PRMT8: variants seen among roughly 807,000 people sequenced by gnomAD.
PRMT8 encodes protein arginine N-methyltransferase 8.
PRMT8 carries 7 observed loss-of-function variants against 47.1 expected under a neutral mutation model. The ratio of observed to expected loss-of-function variants is 0.15; its 90% CI spans 0.08 to 0.28. The LOEUF (loss-of-function observed/expected upper bound fraction) is 0.28, where lower values mean the gene tolerates loss of function less well. PRMT8 is among the 10% of genes least tolerant of loss of function. The pLI, the probability that PRMT8 is intolerant of heterozygous loss-of-function variation, is 1.00. For missense variants in PRMT8, 237 were observed against 505.4 expected (o/e 0.47, Z 5.09); for synonymous variants, 188 against 186.5 (o/e 1.01, Z -0.07).
Position 3,550,301 on chromosome 12 carries a change from T to C in PRMT8, c.417+210T>C, listed in dbSNP as rs1330147218. ...ATGGCTCCTGGATCCTTACAACCAC[T>C]GACATTTGCGGAGGAACTGTGGCTT... On this transcript the variant is annotated intron_variant, in intron 3 of 9. Coordinates refer to ENST00000382622, the MANE Select transcript of PRMT8 (RefSeq NM_019854.5). This position sits in a 1 kb window ranked among gnomAD's most constrained non-coding sequence, Gnocchi z 5.1. The C allele has an allele frequency of 3.6e-6, 2 of 552,934 alleles. No homozygotes were observed. Among genetic ancestry groups the C allele is most frequent in the Non-Finnish European group, 6.3e-6 (2 of 315,790 alleles). 34.3% of individuals were successfully genotyped at this position (552,934 alleles called of 1,614,324 possible).
In PRMT8 at chr12:3,399,110, C is replaced by T. The variant is rs115141462; in HGVS notation, c.48+17668C>T. Reference sequence around the variant, plus strand: ...TTAGTCTAAGTTAACTGAAAGGGCTCGTTGGCTCTCCCCACCATACTTCTG... The same window carrying T: ...TTAGTCTAAGTTAACTGAAAGGGCTTGTTGGCTCTCCCCACCATACTTCTG... On this transcript the variant is annotated intron_variant, in intron 1 of 9. Transcript: ENST00000452611. Among the ~76,000 whole-genome samples, 753 of 152,292 alleles carry T rather than the reference C, an allele frequency of 4.9e-3. 8 individuals are homozygous for T. The highest frequency in any genetic ancestry group is 0.017 in the African/African-American group (721 of 41,552).
At chr12:3,541,413 C>G (rs928888650) in intron 2 of PRMT8, among the ~76,000 whole-genome samples, 2 of 152,144 alleles carry the variant, frequency 1.3e-5, no homozygotes, top group Non-Finnish European at 2.9e-5. Context: ...TAATGGTGCC[C>G]CTACTGTATA....
intron 1 of PRMT8, among the ~76,000 whole-genome samples, chr12:3,416,286 C>T (rs1396042291): frequency 1.3e-5 from 2 of 152,194 alleles, no homozygotes; most frequent in Admixed American, 6.5e-5. Flanking sequence ...CACTCCCTCT[C>T]TCCTACCTGA....
chr12:3,416,033 T>C (rs4765733), intron 1 of PRMT8, among the ~76,000 whole-genome samples: 150,005 of 152,306 alleles, frequency 0.98, 73,910 homozygotes, highest in East Asian at 1. Context: ...TGGTGGGAGG[T>C]CCTCCATTTG....
intron 8 of PRMT8, among the ~76,000 whole-genome samples, chr12:3,591,028 G>A (rs977823347): frequency 1.3e-5 from 2 of 152,102 alleles, no homozygotes; most frequent in Admixed American, 6.5e-5. Flanking sequence ...CAGGTTTTGC[G>A]GGTCAGGCAA....
chr12:3,385,166 T>C (rs1864126971), intron 1 of PRMT8, among the ~76,000 whole-genome samples: 1 of 152,234 alleles, frequency 6.6e-6, no homozygotes, highest in Admixed American at 6.5e-5. Flanking sequence ...AGTGTGCTAA[T>C]TGATTTATAT....
intron 1 of PRMT8, among the ~76,000 whole-genome samples, chr12:3,445,779 C>T (rs535297961): frequency 2.6e-5 from 4 of 152,254 alleles, no homozygotes; most frequent in South Asian, 2.1e-4. Flanking sequence ...ATGCATGTGT[C>T]GTATAATGTG....
At chr12:3,475,993 A>G (rs7978974) in intron 1 of PRMT8, among the ~76,000 whole-genome samples, 118,227 of 151,868 alleles carry the variant, frequency 0.78, 46,259 homozygotes, top group Middle Eastern at 0.86. Context: ...AAGAAATAGC[A>G]TTGGGCTGGA....
chr12:3,471,424 A>C (rs79173511), intron 1 of PRMT8, among the ~76,000 whole-genome samples: 12,489 of 151,978 alleles, frequency 0.082, 549 homozygotes, highest in Non-Finnish European at 0.1. Context: ...TGGAAATCAA[A>C]AGGCCACCAA....
At chr12:3,389,879 G>C (rs895497163) in intron 1 of PRMT8, among the ~76,000 whole-genome samples, 4 of 152,238 alleles carry the variant, frequency 2.6e-5, no homozygotes, top group African/African-American at 9.6e-5. Context: ...TGATGAGTTT[G>C]GGGGGATTCT....
chr12:3,587,305 A>G (rs927438402), intron 8 of PRMT8, among the ~76,000 whole-genome samples: 3 of 150,228 alleles, frequency 2.0e-5, no homozygotes, highest in Non-Finnish European at 4.4e-5. Flanking sequence ...GAATTAATAA[A>G]TACTAACAAA....
intron 1 of PRMT8, among the ~76,000 whole-genome samples, chr12:3,474,570 CTG>C (rs1591561240): frequency 6.6e-6 from 1 of 152,126 alleles, no homozygotes; most frequent in African/African-American, 2.4e-5. Flanking sequence ...CCAGCTGACA[CTG>C]TGCAGACTCC....
chr12:3,498,470 C>T (rs2137119364), intron 1 of PRMT8, among the ~76,000 whole-genome samples: 1 of 152,290 alleles, frequency 6.6e-6, no homozygotes, highest in Non-Finnish European at 1.5e-5. Flanking sequence ...GCTTCCACCG[C>T]CATCTTGCCA....
At chr12:3,556,677 A>G (rs1454688993) in intron 4 of PRMT8, among the ~76,000 whole-genome samples, 1 of 152,212 alleles carries the variant, frequency 6.6e-6, no homozygotes, top group African/African-American at 2.4e-5. Context: ...TTTTTTTAAA[A>G]AAAAAATAGG....
Position 3,572,088 on chromosome 12 carries a change from T to C in PRMT8, c.712+2524T>C, listed in dbSNP as rs1866856400. 1.3e-5 allele frequency among the ~76,000 whole-genome samples: 2 copies of C among 152,270 alleles called. No individual in the cohort carries two copies. Among genetic ancestry groups the C allele is most frequent in the South Asian group, 4.2e-4 (2 of 4,816 alleles). ...TCTCCTTCCCTTCCCTCCCCTCCTT[T>C]CTTCTTCTTTCTCAACCACACACAG... On this transcript the variant is annotated intron_variant, in intron 6 of 9. Transcript: ENST00000382622. This position sits in a 1 kb window ranked among gnomAD's most constrained non-coding sequence, Gnocchi z 5.9.
upstream of PRMT8, among the ~76,000 whole-genome samples, chr12:3,487,937 G>A (rs115696070): frequency 4.5e-3 from 691 of 152,244 alleles, 4 homozygotes; most frequent in African/African-American, 0.015. Flanking sequence ...ATACTCTCTG[G>A]GGGTAGAACT....
At position 3,580,211 on chromosome 12, in the gene PRMT8, G is replaced by T. The variant is rs1378754606; in HGVS notation, c.829-2847G>T. Among the ~76,000 whole-genome samples the T allele has an allele frequency of 1.3e-5, 2 of 152,256 alleles. No individual in the cohort carries two copies. The highest frequency in any genetic ancestry group is 1.9e-4 in the East Asian group (1 of 5,178). Reference sequence around the variant, plus strand: ...TTCTATCAGAGGCCTCTATTAAGATGCAAATGTCTCAGGGATCTATTGAAA... The same window carrying T: ...TTCTATCAGAGGCCTCTATTAAGATTCAAATGTCTCAGGGATCTATTGAAA... On this transcript the variant is annotated intron_variant, in intron 7 of 9. Transcript: ENST00000382622. This position sits in a 1 kb window ranked among gnomAD's most constrained non-coding sequence, Gnocchi z 4.6.
At chr12:3,388,857 C>T (rs577380040) in intron 1 of PRMT8, among the ~76,000 whole-genome samples, 2 of 152,316 alleles carry the variant, frequency 1.3e-5, no homozygotes, top group South Asian at 4.1e-4. Flanking sequence ...CAAGTCTCTT[C>T]CCTCTTATTT....
chr12:3,454,037 T>TCAGCCTAGCC (rs905665354), intron 1 of PRMT8, among the ~76,000 whole-genome samples: 6 of 152,102 alleles, frequency 3.9e-5, no homozygotes, highest in African/African-American at 1.4e-4. Flanking sequence ...AATGCGGGCG[T>TCAGCCTAGCC]CAGCCTAGCC....
Sources: allele counts gnomAD v4.1 joint callset (sites outside exome capture counted in the v4.1 genomes callset), GRCh38; gene constraint gnomAD v4.1.1; non-coding constraint Gnocchi (gnomAD v3.1); transcripts MANE v1.5; gene names NCBI Gene and HGNC (gene_info 2026-07-23, HGNC 2026-07-21).